Variants in SLC6A11 observed in about 807,000 individuals in gnomAD.
SLC6A11 encodes the protein sodium- and chloride-dependent GABA transporter 3.
In SLC6A11, 25 loss-of-function variants were observed where a neutral mutation model predicts 74.8. That is an observed-to-expected ratio of 0.33 (90% CI 0.24 to 0.47). SLC6A11 has a LOEUF of 0.47. Among genes scored for constraint, SLC6A11 ranks in the 20% least tolerant of loss-of-function variants. The probability of loss-of-function intolerance (pLI) is 1.00; values close to 1 mark genes in which losing one functional copy is unlikely to be tolerated. For synonymous variants in SLC6A11, 330 were observed against 330.2 expected (o/e 1.00, Z 0.01); for missense variants, 574 against 837.0 (o/e 0.69, Z 3.88).
Position 10,926,280 on chromosome 3 carries a change from C to A in SLC6A11, c.1233+164C>A, listed in dbSNP as rs1054107260. On this transcript the variant is annotated intron_variant, in intron 9 of 13. Transcript: ENST00000254488. The surrounding 1 kb of genome is among the most constrained non-coding windows in gnomAD (Gnocchi z 5.7). Reference sequence around the variant, plus strand: ...ATTCCACCCTCCACTTCCCTCCCAGCAACTCTTGCACCCCCGCCATCCACC... The same window carrying A: ...ATTCCACCCTCCACTTCCCTCCCAGAAACTCTTGCACCCCCGCCATCCACC... Among the ~76,000 whole-genome samples, 6 of 152,022 alleles carry A rather than the reference C, an allele frequency of 3.9e-5. No homozygotes were observed. Among genetic ancestry groups the A allele is most frequent in the African/African-American group, 1.5e-4 (6 of 41,368 alleles).
chr3:10,843,196 C>T (rs901871231), intron 4 of SLC6A11, among the ~76,000 whole-genome samples: 3 of 152,120 alleles, frequency 2.0e-5, no homozygotes, highest in African/African-American at 4.8e-5. Context: ...GCCAGGCCTG[C>T]GTCAACTCTG....
At chr3:10,830,580 A>AG (rs1405493921) in intron 4 of SLC6A11, among the ~76,000 whole-genome samples, 3 of 152,158 alleles carry the variant, frequency 2.0e-5, no homozygotes, top group Admixed American at 6.5e-5. Context: ...CAGCAGGTTT[A>AG]GGGGGCAGAA....
intron 6 of SLC6A11, among the ~76,000 whole-genome samples, chr3:10,880,310 G>A (rs962819794): frequency 2.0e-5 from 3 of 152,166 alleles, no homozygotes; most frequent in Non-Finnish European, 4.4e-5. Context: ...TAGTTTTCCT[G>A]TACTTCTGGA....
rs1048369487 is a variant in SLC6A11, at chr3:10,819,168, A to G, written c.257-297A>G. ...TAAAAAATTTTTTTTAAATGAGCCA[A>G]TGAAACAATTTCTTTTACATTATCA... On this transcript the variant is annotated intron_variant, in intron 1 of 13. Coordinates refer to ENST00000254488, the MANE Select transcript of SLC6A11 (RefSeq NM_014229.3). Among the ~76,000 whole-genome samples, 4 of 152,212 alleles carry G rather than the reference A, an allele frequency of 2.6e-5. No individual in the cohort carries two copies. The East Asian group carries it at 5.8e-4, about 22-fold the overall frequency.
At position 10,823,306 on chromosome 3, in the gene SLC6A11, T is replaced by A; in HGVS notation, c.537T>A (p.Asn179Lys). 6.2e-7 allele frequency: 1 copy of A among 1,607,358 alleles called. No individual in the cohort carries two copies. Among genetic ancestry groups the A allele is most frequent in the Non-Finnish European group, 8.5e-7 (1 of 1,173,920 alleles). ...ATCGHEWNTENCVEFQKLNVS... is the reference protein window; with the variant it reads ...ATCGHEWNTEKCVEFQKLNVS... ...CTTGTCTTGTTTCCACTGTAGAGAATTGTGTGGAGTTCCAGAAACTGAATG... is the reference window on the plus strand; with the variant it reads ...CTTGTCTTGTTTCCACTGTAGAGAAATGTGTGGAGTTCCAGAAACTGAATG... Residue 179 changes from asparagine to lysine, a missense_variant, in exon 4 of 14, where the codon AAT (asparagine) becomes AAA (lysine). By Grantham distance (94) the Asn-to-Lys change is moderately conservative (BLOSUM62 0). Coordinates refer to ENST00000254488, the MANE Select transcript of SLC6A11 (RefSeq NM_014229.3).
intron 4 of SLC6A11, among the ~76,000 whole-genome samples, chr3:10,831,551 T>C (rs1332682952): frequency 4.6e-5 from 7 of 152,172 alleles, no homozygotes; most frequent in Admixed American, 4.6e-4. Context: ...CCATAAACCA[T>C]GTCTGGCAGA....
At chr3:10,817,035 C>T (rs1165057367) in intron 1 of SLC6A11, among the ~76,000 whole-genome samples, 4 of 152,170 alleles carry the variant, frequency 2.6e-5, no homozygotes, top group African/African-American at 7.2e-5. Context: ...CACTGAGGGT[C>T]AGAGAAGTCT....
Position 10,918,542 on chromosome 3 carries a change from C to A in SLC6A11, c.1120+89C>A. On this transcript the variant is annotated intron_variant, in intron 8 of 13. Transcript: ENST00000254488. This position sits in a 1 kb window ranked among gnomAD's most constrained non-coding sequence, Gnocchi z 4.5. ...GGAAATGCGATCTTCCTCCTCGGCT[C>A]ACACATCTCCTGGATTCAGGCCTCA... 1 of 1,443,502 alleles carries A rather than the reference C, an allele frequency of 6.9e-7. No homozygotes were observed. The highest frequency in any genetic ancestry group is 9.3e-7 in the Non-Finnish European group (1 of 1,070,914). The allele number at this position is 1,443,502 out of a possible 1,614,324, so 89.4% of individuals were successfully genotyped here.
intron 5 of SLC6A11, among the ~76,000 whole-genome samples, chr3:10,865,312 G>A (rs563523556): frequency 3.4e-4 from 52 of 152,332 alleles, no homozygotes; most frequent in Middle Eastern, 3.4e-3. Flanking sequence ...GCTTGGTGAT[G>A]GGGCCCATGC....
At chr3:10,893,617 T>A (rs568397954) in intron 6 of SLC6A11, among the ~76,000 whole-genome samples, 2 of 152,286 alleles carry the variant, frequency 1.3e-5, no homozygotes, top group African/African-American at 4.8e-5. Context: ...CAAAGCATAG[T>A]CTTCTCACCA....
chr3:10,838,212 T>C (rs980394583), intron 4 of SLC6A11, among the ~76,000 whole-genome samples: 2 of 152,174 alleles, frequency 1.3e-5, no homozygotes, highest in Non-Finnish European at 2.9e-5. Flanking sequence ...CCAGCTCTGC[T>C]CTCTGGGCAA....
At chr3:10,854,104 G>A (rs891720338) in intron 5 of SLC6A11, among the ~76,000 whole-genome samples, 1 of 152,206 alleles carries the variant, frequency 6.6e-6, no homozygotes, top group Non-Finnish European at 1.5e-5. Flanking sequence ...CTATTTCTAA[G>A]CAAAAGAATA....
intron 4 of SLC6A11, among the ~76,000 whole-genome samples, chr3:10,828,053 G>A (rs1344008686): frequency 3.3e-4 from 50 of 152,268 alleles, no homozygotes; most frequent in African/African-American, 1.1e-3. Flanking sequence ...TGGCATCCGT[G>A]CATTTATCTA....
intron 6 of SLC6A11, among the ~76,000 whole-genome samples, chr3:10,882,533 A>T (rs768731645): frequency 5.9e-5 from 9 of 152,270 alleles, no homozygotes; most frequent in African/African-American, 2.2e-4. Context: ...TGCCCTGTTC[A>T]ATCTCCAGAC....
At chr3:10,825,131 G>C (rs985627216) in intron 4 of SLC6A11, 7 of 150,426 alleles carry the variant, frequency 4.7e-5, no homozygotes, top group Admixed American at 4.6e-4. Flanking sequence ...GCAGTGAGCC[G>C]AGATCGGCGC....
chr3:10,842,252 G>A (rs1694448098), intron 4 of SLC6A11, among the ~76,000 whole-genome samples: 1 of 152,154 alleles, frequency 6.6e-6, no homozygotes, highest in African/African-American at 2.4e-5. Context: ...TGATTCAGGT[G>A]GCATTTGTAG....
At chr3:10,886,986 A>G (rs1037712817) in intron 6 of SLC6A11, among the ~76,000 whole-genome samples, 3 of 152,226 alleles carry the variant, frequency 2.0e-5, no homozygotes, top group Non-Finnish European at 2.9e-5. Context: ...TGTCTGTCTT[A>G]TCCGCTGTGA....
chr3:10,828,422 C>T (rs1445928496), intron 4 of SLC6A11, among the ~76,000 whole-genome samples: 1 of 152,104 alleles, frequency 6.6e-6, no homozygotes, highest in Non-Finnish European at 1.5e-5. Flanking sequence ...TTTTGAGTCA[C>T]GTGAATGTTT....
At chr3:10,881,698 G>C (rs996272153) in intron 6 of SLC6A11, among the ~76,000 whole-genome samples, 1 of 152,194 alleles carries the variant, frequency 6.6e-6, no homozygotes, top group Admixed American at 6.5e-5. Context: ...CCTGGGCCAG[G>C]ACAAGTGGGC....
Sources: gnomAD v4.1 joint callset for allele counts (sites outside exome capture counted in the v4.1 genomes callset) on GRCh38, gnomAD v4.1.1 for gene constraint, Gnocchi (gnomAD v3.1) non-coding constraint, MANE v1.5 for transcripts, NCBI Gene and HGNC (gene_info 2026-07-23, HGNC 2026-07-21) for gene names.